The following AMMECR1 variants were observed in gnomAD, a reference collection of about 807,000 sequenced individuals.
AMMECR1 encodes the protein AMMECR nuclear protein 1.
In AMMECR1, 3 loss-of-function variants were observed where a neutral mutation model predicts 22.5. The ratio of observed to expected loss-of-function variants is 0.13; its 90% CI spans 0.06 to 0.35. AMMECR1 has a LOEUF of 0.35. AMMECR1 is among the 10% of genes least tolerant of loss of function. The probability of loss-of-function intolerance (pLI) is 1.00; values close to 1 mark genes in which losing one functional copy is unlikely to be tolerated. For missense variants in AMMECR1, 235 were observed against 278.7 expected (o/e 0.84, Z 1.12); for synonymous variants, 130 against 116.7 (o/e 1.11, Z -0.74).
chrX:110,339,401 T>TAAAAAAAA (rs10664998), intron 2 of AMMECR1, among the ~76,000 whole-genome samples: 2 of 48,954 alleles, frequency 4.1e-5, no homozygotes, highest in Admixed American at 3.1e-4. Context: ...TGGTTTGTTG[T>TAAAAAAAA]AAAAAAAAAA....
chrX:110,306,526 T>A (rs1003899260), intron 1 of AMMECR1, among the ~76,000 whole-genome samples: 2 of 110,398 alleles, frequency 1.8e-5, no homozygotes, highest in African/African-American at 3.3e-5. Flanking sequence ...TGGCGTGATC[T>A]CAGCTCACAG....
At chrX:110,437,002 G>A (rs893156711) in intron 1 of AMMECR1, among the ~76,000 whole-genome samples, 10 of 112,230 alleles carry the variant, frequency 8.9e-5, no homozygotes, top group Admixed American at 1.9e-4. Flanking sequence ...ATTCCATTTC[G>A]CCTCTAGGAG....
At chrX:110,310,980 C>T (rs2148223616) in intron 1 of AMMECR1, among the ~76,000 whole-genome samples, 1 of 112,065 alleles carries the variant, frequency 8.9e-6, no homozygotes, top group Non-Finnish European at 1.9e-5. Context: ...TACAAGATCT[C>T]TTATCCAGCC....
intron 2 of AMMECR1, among the ~76,000 whole-genome samples, chrX:110,250,343 A>C (rs1321030142): frequency 8.9e-6 from 1 of 111,925 alleles, no homozygotes; most frequent in Non-Finnish European, 1.9e-5. Context: ...CACCAGGTCT[A>C]TCTTGGAATC....
At chrX:110,410,479 A>G (rs1348399492) in intron 2 of AMMECR1, among the ~76,000 whole-genome samples, 1 of 112,184 alleles carries the variant, frequency 8.9e-6, no homozygotes, top group Non-Finnish European at 1.9e-5. Flanking sequence ...GTAATTATCC[A>G]CCTATTTTCT....
rs767590289 is a variant in AMMECR1, at chrX:110,309,126, T to C, written c.473+8473A>G. 3.7e-3 allele frequency: 419 copies of C among 111,988 alleles called. 2 individuals carry two copies. The highest frequency in any genetic ancestry group is 0.013 in the African/African-American group (402 of 30,805). The allele number at this position is 111,988 out of a possible 1,213,427, so 9.2% of individuals were successfully genotyped here. A position where few individuals can be genotyped will look rare whatever the true frequency, so the allele number is the denominator to read the frequency against. ...TAGGCTACTATAAGCGATAATGATA[T>C]CACAGAAAAGAAACACACTAATGTA... On this transcript the variant is annotated intron_variant, in intron 1 of 5. Transcript: ENST00000262844.
chrX:110,411,359 A>C (rs1184689791), intron 2 of AMMECR1, among the ~76,000 whole-genome samples: 1 of 111,763 alleles, frequency 8.9e-6, no homozygotes, highest in Non-Finnish European at 1.9e-5. Flanking sequence ...ATTTCTGGGG[A>C]AAAGGATGCA....
Position 110,317,825 on chromosome X carries a change from TC to T in AMMECR1, c.246del (p.Ile83SerfsTer80), listed in dbSNP as rs1179112821. 1.8e-6 allele frequency: 2 copies of T among 1,135,849 alleles called. No individual in the cohort carries two copies. The highest frequency in any genetic ancestry group is 2.3e-6 in the Non-Finnish European group (2 of 858,597). The allele number at this position is 1,135,849 out of a possible 1,213,427, so 93.6% of individuals were successfully genotyped here. The part of the protein sequence containing the change: ...PPQGCGGGGG[G>X]IALSPPPSCG... ...CAGCTCGGAGGTGGCGACAGGGCGATCCCCCCGCCGCCGCCGCCGCAGCCCT... is the reference window on the plus strand; with the variant it reads ...CAGCTCGGAGGTGGCGACAGGGCGATCCCCCGCCGCCGCCGCCGCAGCCCT... On this transcript the variant is annotated frameshift_variant, in exon 1 of 6. Coordinates refer to ENST00000262844, the MANE Select transcript of AMMECR1 (RefSeq NM_015365.3). LOFTEE classifies it high-confidence loss of function.
chrX:110,266,468 C>T (rs1278534569), intron 1 of AMMECR1, among the ~76,000 whole-genome samples: 1 of 110,846 alleles, frequency 9.0e-6, no homozygotes, highest in Non-Finnish European at 1.9e-5. Flanking sequence ...CTGCGACCTC[C>T]GTCACCTGGG....
At chrX:110,284,877 A>C (rs2067871134) in intron 1 of AMMECR1, among the ~76,000 whole-genome samples, 1 of 112,264 alleles carries the variant, frequency 8.9e-6, no homozygotes, top group African/African-American at 3.2e-5. Flanking sequence ...TGATGGCAAC[A>C]GAAGTTGGAG....
intron 2 of AMMECR1, among the ~76,000 whole-genome samples, chrX:110,361,313 T>C (rs1207374868): frequency 2.7e-5 from 3 of 111,930 alleles, no homozygotes; most frequent in Non-Finnish European, 5.6e-5. Context: ...ATCTGACCAC[T>C]TTTTCATTGC....
intron 2 of AMMECR1, among the ~76,000 whole-genome samples, chrX:110,339,969 AACATACACACACAC>A (rs1395999738): frequency 3.3e-5 from 3 of 90,028 alleles, no homozygotes; most frequent in African/African-American, 1.3e-4. Context: ...TTGAAGGCAA[AACATACACACACAC>A]ACACACACAC....
chrX:110,380,302 A>G (rs1218342526), intron 2 of AMMECR1, among the ~76,000 whole-genome samples: 6 of 111,611 alleles, frequency 5.4e-5, no homozygotes, highest in Non-Finnish European at 1.1e-4. Context: ...TAGGAAAACA[A>G]TATAATCAGA....
At chrX:110,256,002 A>G (rs2067709270) in intron 2 of AMMECR1, among the ~76,000 whole-genome samples, 2 of 112,581 alleles carry the variant, frequency 1.8e-5, no homozygotes, top group South Asian at 7.3e-4. Context: ...CATTCTCAAA[A>G]GAATGTATTA....
chrX:110,420,768 C>T (rs1234569316), intron 2 of AMMECR1, among the ~76,000 whole-genome samples: 3 of 111,602 alleles, frequency 2.7e-5, no homozygotes, highest in Admixed American at 9.5e-5. Flanking sequence ...TGGCCTCCGT[C>T]GTGAGAACAA....
chrX:110,422,210 G>T (rs2068722372), intron 2 of AMMECR1, among the ~76,000 whole-genome samples: 1 of 112,332 alleles, frequency 8.9e-6, no homozygotes, highest in Admixed American at 9.4e-5. Flanking sequence ...TGTACCTCCA[G>T]TATTGGCCCA....
At chrX:110,406,537 TG>T (rs199761789) in intron 2 of AMMECR1, among the ~76,000 whole-genome samples, 1,181 of 112,182 alleles carry the variant, frequency 0.011, 11 homozygotes, top group African/African-American at 0.037. Flanking sequence ...TCCAAGTCTT[TG>T]CTATTGTGAA....
intron 2 of AMMECR1, among the ~76,000 whole-genome samples, chrX:110,369,571 G>A (rs1353671505): frequency 9.1e-6 from 1 of 110,104 alleles, no homozygotes; most frequent in Non-Finnish European, 1.9e-5. Flanking sequence ...AGATGATGTC[G>A]CTCCTCTGCT....
chrX:110,236,516 C>T (rs2067602214), intron 2 of AMMECR1, among the ~76,000 whole-genome samples: 1 of 112,184 alleles, frequency 8.9e-6, no homozygotes, highest in Admixed American at 9.4e-5. Flanking sequence ...AAATTAAAAA[C>T]TAACTTTTGG....
Sources: gnomAD v4.1 joint callset for allele counts (sites outside exome capture counted in the v4.1 genomes callset) on GRCh38, gnomAD v4.1.1 for gene constraint, MANE v1.5 for transcripts, NCBI Gene and HGNC (gene_info 2026-07-23, HGNC 2026-07-21) for gene names.